TEX10: variants seen among roughly 807,000 people sequenced by gnomAD.
TEX10 encodes the protein testis-expressed protein 10.
Under a neutral mutation model 104.4 loss-of-function variants are expected in TEX10, and 24 were observed. The observed-to-expected ratio is 0.23, with a 90% CI of 0.17 to 0.32. The LOEUF is 0.32. Ranked by LOEUF, TEX10 falls within the 10% of genes least tolerant of loss-of-function variation. The probability of loss-of-function intolerance (pLI) is 1.00; values close to 1 mark genes in which losing one functional copy is unlikely to be tolerated. For missense variants in TEX10, 921 were observed against 1,083.9 expected, an observed-to-expected ratio of 0.85 and a Z score of 2.11; for synonymous variants, 396 against 393.4, an observed-to-expected ratio of 1.01 and a Z score of -0.08.
chr9:100,334,492 G>A (rs1467823381), intron 5 of TEX10, among the ~76,000 whole-genome samples: 2 of 152,210 alleles, frequency 1.3e-5, no homozygotes, highest in East Asian at 3.9e-4. Context: ...TGATCCCAGG[G>A]AGGACTGAGA....
In TEX10 at chr9:100,346,860, T is replaced by C. The variant is rs1564221748; in HGVS notation, c.727A>G (p.Ser243Gly). 6.2e-7 allele frequency: 1 copy of C among 1,614,186 alleles called. No individual in the cohort carries two copies. The highest frequency in any genetic ancestry group is 1.7e-5 in the Admixed American group (1 of 60,034). ...AGTCCTTCACTTTCTCTCAACCTAC[T>C]GGATCCATCTGCCAAGGCCTGAAGG... is the stretch of plus-strand genomic sequence containing the variant. ...KFLQALADGS[S>G]RLRESEGLQE... Residue 243 changes from serine to glycine, a missense_variant, in exon 3 of 15, where the codon AGT becomes GGT. Physicochemically the swap from Ser to Gly is moderately conservative, Grantham distance 56. Transcript: ENST00000374902.
At chr9:100,348,695 C>T (rs1399769636) in intron 2 of TEX10, among the ~76,000 whole-genome samples, 1 of 152,146 alleles carries the variant, frequency 6.6e-6, no homozygotes, top group Non-Finnish European at 1.5e-5. Flanking sequence ...TGGAGGATTG[C>T]TTGCATCCAA....
chr9:100,340,486 C>A, intron 4 of TEX10, 117 bp from the exon 5 acceptor site: 1 of 593,236 alleles, frequency 1.7e-6, no homozygotes, highest in East Asian at 3.2e-5. Context: ...CACTTTCTAC[C>A]AGTAATATAA....
chr9:100,322,172 G>C (rs1834587577), intron 9 of TEX10, among the ~76,000 whole-genome samples: 2 of 152,162 alleles, frequency 1.3e-5, no homozygotes, highest in South Asian at 4.1e-4. Flanking sequence ...ACAAGCTTCA[G>C]CTTCCTACAT....
At chr9:100,323,121 G>A (rs1039538603) in intron 9 of TEX10, among the ~76,000 whole-genome samples, 1 of 152,152 alleles carries the variant, frequency 6.6e-6, no homozygotes, top group Non-Finnish European at 1.5e-5. Context: ...AAAACAGGAA[G>A]CAATTGTGCC....
chr9:100,318,614 C>T (rs1240432740), intron 11 of TEX10, among the ~76,000 whole-genome samples: 1 of 152,090 alleles, frequency 6.6e-6, no homozygotes, highest in East Asian at 1.9e-4. Context: ...TACATGCACA[C>T]ACAAAAGAAT....
chr9:100,350,310 G>A (rs1416887990), intron 1 of TEX10, among the ~76,000 whole-genome samples: 1 of 152,038 alleles, frequency 6.6e-6, no homozygotes, highest in African/African-American at 2.4e-5. Context: ...CTCCTCTCTA[G>A]TCCACTGGCC....
chr9:100,330,079 C>T lies in TEX10; in HGVS notation c.1341G>A (p.Ala447=), dbSNP rs778181747. 1.9e-5 allele frequency: 30 copies of T among 1,613,990 alleles called. No homozygotes were observed. The highest frequency in any genetic ancestry group is 1.5e-4 in the Admixed American group (9 of 59,986). Residue 447 remains alanine, a synonymous_variant, in exon 6 of 15, where the codon GCG becomes GCA. Transcript: ENST00000374902. The part of the protein sequence containing the change: ...LSDIMVSLAN[A]STLQKDCSWI... ...AACTGCAATCCTTCTGCAAAGTTGA[C>T]GCATTTGCCAGGGAGACCATGATAT...
chr9:100,326,199 A>C lies in TEX10; in HGVS notation c.1979+103T>G. On this transcript the variant is annotated intron_variant, in intron 9 of 14. Coordinates refer to ENST00000374902, the MANE Select transcript of TEX10 (RefSeq NM_017746.4). Reference sequence around the variant, plus strand: ...TTAATTGTTGCATTAAGAGTAAATGAAAGTAGTGTATGCGACTTCAAAAGG... The same window carrying C: ...TTAATTGTTGCATTAAGAGTAAATGCAAGTAGTGTATGCGACTTCAAAAGG... 5 of 1,194,560 alleles carry C rather than the reference A, an allele frequency of 4.2e-6. No homozygotes were observed. The South Asian group carries it at 7.8e-5, about 19-fold the overall frequency. 74.0% of individuals were successfully genotyped at this position (1,194,560 alleles called of 1,614,324 possible).
intron 11 of TEX10, 65 bp downstream of exon 11, chr9:100,320,200 T>C: frequency 6.9e-7 from 1 of 1,449,364 alleles, no homozygotes; most frequent in Non-Finnish European, 9.3e-7. Context: ...TCATATATAG[T>C]AACTATTACT....
At chr9:100,313,956 G>A (rs1834347905) in intron 11 of TEX10, among the ~76,000 whole-genome samples, 1 of 152,036 alleles carries the variant, frequency 6.6e-6, no homozygotes, top group African/African-American at 2.4e-5. Flanking sequence ...ATGAATTAAG[G>A]AGAATTCCCT....
At chr9:100,311,943 C>A (rs1588165637) in intron 11 of TEX10, among the ~76,000 whole-genome samples, 1 of 151,978 alleles carries the variant, frequency 6.6e-6, no homozygotes, top group East Asian at 1.9e-4. Context: ...AAAATCAAGA[C>A]TTTTTATACT....
chr9:100,345,974 A>C (rs1260806905), intron 4 of TEX10, 98 bp downstream of exon 4: 4 of 1,374,166 alleles, frequency 2.9e-6, no homozygotes, highest in Non-Finnish European at 3.9e-6. Flanking sequence ...TTTCAGAAAA[A>C]TATATAACCA....
intron 8 of TEX10, 44 bp from the exon 9 acceptor site, chr9:100,326,523 T>G: frequency 2.6e-6 from 4 of 1,549,058 alleles, no homozygotes; most frequent in Non-Finnish European, 3.5e-6. Context: ...ATAAAAGACA[T>G]GCAAACCAGA....
At chr9:100,323,093 A>G (rs1055710144) in intron 9 of TEX10, among the ~76,000 whole-genome samples, 7 of 152,218 alleles carry the variant, frequency 4.6e-5, no homozygotes, top group African/African-American at 1.7e-4. Context: ...ACAAACTATT[A>G]TCTTCTTGAC....
At position 100,349,219 on chromosome 9, in the gene TEX10, T is replaced by C. The variant is rs372772500; in HGVS notation, c.145A>G (p.Thr49Ala). The change falls in exon 2 of 15, where the codon ACA becomes GCA. Residue 49 changes from threonine (T) to alanine (A), a missense_variant. This residue lies in a region of TEX10 where 118 missense variants were observed against 111.3 expected (regional missense o/e 1.06). Coordinates refer to ENST00000374902, the MANE Select transcript of TEX10 (RefSeq NM_017746.4). Reference sequence around the variant, plus strand: ...AGTTTTCTATTGTTTGTTGGAAGTGTTCCATCCTCTTTGAGTTGCTCAGGC... The same window carrying C: ...AGTTTTCTATTGTTTGTTGGAAGTGCTCCATCCTCTTTGAGTTGCTCAGGC... ...HLPEQLKEDG[T>A]LPTNNRKLNI... The C allele has an allele frequency of 8.3e-6, 13 of 1,569,418 alleles. No individual in the cohort carries two copies. Among genetic ancestry groups the C allele is most frequent in the African/African-American group, 2.8e-5 (2 of 72,430 alleles).
intron 8 of TEX10, 70 bp downstream of exon 8, chr9:100,327,717 C>T: frequency 7.5e-7 from 1 of 1,326,086 alleles, no homozygotes; most frequent in African/African-American, 1.5e-5. Flanking sequence ...CAGAGCTCCC[C>T]TTAAAAACTT....
At chr9:100,310,989 G>C (rs1372853658) in intron 11 of TEX10, among the ~76,000 whole-genome samples, 1 of 152,072 alleles carries the variant, frequency 6.6e-6, no homozygotes, top group African/African-American at 2.4e-5. Context: ...TACCAACATG[G>C]AGACCACACA....
At chr9:100,342,900 C>A (rs1835208040) in intron 4 of TEX10, among the ~76,000 whole-genome samples, 1 of 152,094 alleles carries the variant, frequency 6.6e-6, no homozygotes, top group African/African-American at 2.4e-5. Context: ...GTAATCCCAG[C>A]ACTTTGGGAG....
Sources: gnomAD v4.1 joint callset for allele counts (sites outside exome capture counted in the v4.1 genomes callset) on GRCh38, gnomAD v4.1.1 for gene constraint, gnomAD v4.1.1 regional missense constraint, MANE v1.5 for transcripts, NCBI Gene and HGNC (gene_info 2026-07-23, HGNC 2026-07-21) for gene names.